The following RITA1 variants were observed in gnomAD, a reference collection of about 807,000 sequenced individuals.
RITA1 encodes the protein RBPJ interacting and tubulin associated 1.
Under a neutral mutation model 8.7 loss-of-function variants are expected in RITA1, and 15 were observed. The observed-to-expected ratio is 1.72, with a 90% CI of 1.15 to 2.65. The LOEUF is 2.65. RITA1 is among the 30% of genes most tolerant of loss of function. The pLI is 0.00. For synonymous variants in RITA1, 145 were observed against 156.2 expected (o/e 0.93, Z 0.53); for missense variants, 330 against 363.8 (o/e 0.91, Z 0.76).
Position 113,191,636 on chromosome 12 carries a change from C to A in RITA1, c.629C>A (p.Thr210Asn). 2 of 1,614,168 alleles carry A rather than the reference C, an allele frequency of 1.2e-6. No individual in the cohort carries two copies. Among genetic ancestry groups the A allele is most frequent in the Non-Finnish European group, 1.7e-6 (2 of 1,180,034 alleles). The part of the protein sequence containing the change: ...HSLTHLNVPS[T>N]GHPATSAPHT... ...CTCACCCACCTGAATGTCCCCAGCA[C>A]TGGTCATCCAGCCACCAGTGCCCCC... The change falls in exon 4 of 4, where the codon ACT (threonine) becomes AAT (asparagine). Residue 210 changes from threonine to asparagine, a missense_variant. Thr to Asn is a moderately conservative substitution (Grantham distance 65, BLOSUM62 0). Transcript: ENST00000548278. The surrounding 1 kb of genome is among the most constrained non-coding windows in gnomAD (Gnocchi z 4.0).
At chr12:113,188,080 G>C (rs1048495785) in intron 3 of RITA1, among the ~76,000 whole-genome samples, 3 of 151,646 alleles carry the variant, frequency 2.0e-5, no homozygotes, top group Non-Finnish European at 2.9e-5. Flanking sequence ...ATGGAGTCTC[G>C]CTCTGTTGCC....
At chr12:113,186,084 G>A in intron 1 of RITA1, 63 bp downstream of exon 1, 1 of 1,535,350 alleles carries the variant, frequency 6.5e-7, no homozygotes, top group South Asian at 1.2e-5. Context: ...ATTGATTTGG[G>A]AGTCGCAGAA....
Position 113,192,318 on chromosome 12 carries a change from A to G in RITA1, c.*501A>G, listed in dbSNP as rs1593019262. 1 of 156,550 alleles carries G rather than the reference A, an allele frequency of 6.4e-6. No individual in the cohort carries two copies. The highest frequency in any genetic ancestry group is 2.4e-5 in the African/African-American group (1 of 41,502). 9.7% of individuals were successfully genotyped at this position (156,550 alleles called of 1,614,324 possible). A position where few individuals can be genotyped will look rare whatever the true frequency, so the allele number is the denominator to read the frequency against. Reference sequence around the variant, plus strand: ...TGAGTGAACACTGTTTCATCTTAATATGCTTCTGAATTTATTTTCATGTAC... The same window carrying G: ...TGAGTGAACACTGTTTCATCTTAATGTGCTTCTGAATTTATTTTCATGTAC... On this transcript the variant is annotated 3_prime_UTR_variant, in exon 4 of 4. Transcript: ENST00000548278.
In RITA1 at chr12:113,186,701, C is replaced by A; in HGVS notation, c.-46C>A. On this transcript the variant is annotated 5_prime_UTR_variant, in exon 3 of 4. Coordinates refer to ENST00000548278, the MANE Select transcript of RITA1 (RefSeq NM_032848.3). ...CTCACAGGGAGCCTCGGAAGCAGGG[C>A]CTGGCCGGCAGAGCACACCTGCTGT... is the stretch of plus-strand genomic sequence containing the variant. 1 of 1,599,236 alleles carries A rather than the reference C, an allele frequency of 6.3e-7. No homozygotes were observed. Among genetic ancestry groups the A allele is most frequent in the East Asian group, 2.3e-5 (1 of 44,442 alleles).
At position 113,191,580 on chromosome 12, in the gene RITA1, A is replaced by G. The variant is rs200939315; in HGVS notation, c.573A>G (p.Ser191=). ...TATCTATGGGTGGGTTACACTCTTC[A>G]CGCCCCCTGAAGCGGGGACTTTCCC... ...QKLSMGGLHS[S]RPLKRGLSHS... Residue 191 remains serine, a synonymous_variant, in exon 4 of 4, where the codon TCA becomes TCG. Transcript: ENST00000548278. This position sits in a 1 kb window ranked among gnomAD's most constrained non-coding sequence, Gnocchi z 4.0. 61 of 1,613,996 alleles carry G rather than the reference A, an allele frequency of 3.8e-5. 1 individual carries two copies. In the East Asian group the frequency reaches 1.3e-3, roughly 34 times the overall value.
intron 1 of RITA1, 30 bp downstream of exon 1, chr12:113,186,051 C>G: frequency 6.5e-7 from 1 of 1,536,042 alleles, no homozygotes; most frequent in Non-Finnish European, 8.7e-7. Context: ...ATGCAGGGAC[C>G]TCGGGCACTT....
chr12:113,192,030 C>A lies in RITA1; in HGVS notation c.*213C>A. The A allele has an allele frequency of 1.6e-6, 1 of 625,636 alleles. No individual in the cohort carries two copies. The highest frequency in any genetic ancestry group is 2.7e-6 in the Non-Finnish European group (1 of 376,504). The allele number at this position is 625,636 out of a possible 1,614,324, so 38.8% of individuals were successfully genotyped here. A position where few individuals can be genotyped will look rare whatever the true frequency, so the allele number is the denominator to read the frequency against. On this transcript the variant is annotated 3_prime_UTR_variant, in exon 4 of 4. Transcript: ENST00000548278. ...TCCCGATTGCGGATTTGGGGGCCAC[C>A]TCTAAGATGCCTCTCTCCAGCCCTG...
chr12:113,191,803 C>T lies in RITA1; in HGVS notation c.796C>T (p.Pro266Ser), dbSNP rs1475779742. 1.0e-5 allele frequency: 16 copies of T among 1,603,128 alleles called. No individual in the cohort carries two copies. The highest frequency in any genetic ancestry group is 1.7e-5 in the Admixed American group (1 of 58,898). Residue 266 changes from proline to serine, a missense_variant, in exon 4 of 4, where the codon CCC (proline) becomes TCC (serine). Coordinates refer to ENST00000548278, the MANE Select transcript of RITA1 (RefSeq NM_032848.3). This position sits in a 1 kb window ranked among gnomAD's most constrained non-coding sequence, Gnocchi z 4.0. Reference sequence around the variant, plus strand: ...AGGTGGGGCCACCCAGAAACCAAAGCCCCCTTGGAAATGATACTCTTTCAT... The same window carrying T: ...AGGTGGGGCCACCCAGAAACCAAAGTCCCCTTGGAAATGATACTCTTTCAT... ...RRGGATQKPK[P>S]PWK
In RITA1 at chr12:113,191,468, C is replaced by T; in HGVS notation, c.461C>T (p.Pro154Leu). ...CCTACCCCCAGGGGTAGCCACTCGC[C>T]CCGCCCCAGGGAGGCACCACTGCGA... ...PPPTPRGSHS[P>L]RPREAPLRAI... is the part of the protein sequence containing the mutation. The change falls in exon 4 of 4, where the codon CCC becomes CTC. Residue 154 changes from proline to leucine, a missense_variant. Transcript: ENST00000548278. This position sits in a 1 kb window ranked among gnomAD's most constrained non-coding sequence, Gnocchi z 4.0. 1 of 1,604,568 alleles carries T rather than the reference C, an allele frequency of 6.2e-7. No homozygotes were observed. Among genetic ancestry groups the T allele is most frequent in the Non-Finnish European group, 8.5e-7 (1 of 1,172,972 alleles).
Position 113,186,330 on chromosome 12 carries a change from C to T in RITA1, c.-65+14C>T. 7.2e-7 allele frequency: 1 copy of T among 1,379,706 alleles called. No individual in the cohort carries two copies. The allele number at this position is 1,379,706 out of a possible 1,614,324, so 85.5% of individuals were successfully genotyped here. ...TCTTTGCAGGAGGTAGGCATGGGATCCACGCTGGCTGTCATTGCCCCCACC... is the reference window on the plus strand; with the variant it reads ...TCTTTGCAGGAGGTAGGCATGGGATTCACGCTGGCTGTCATTGCCCCCACC... On this transcript the variant is annotated intron_variant, in intron 2 of 3. Coordinates refer to ENST00000548278, the MANE Select transcript of RITA1 (RefSeq NM_032848.3).
rs1350143183 is a variant in RITA1 at position 113,191,195 on chromosome 12, G to A, written c.303-115G>A. ...TCAGACTGGGAGACAAGGACTCCTGGGATCTGCAGGCAACCCTCCTCTGCT... is the reference window on the plus strand; with the variant it reads ...TCAGACTGGGAGACAAGGACTCCTGAGATCTGCAGGCAACCCTCCTCTGCT... On this transcript the variant is annotated intron_variant, in intron 3 of 3. Coordinates refer to ENST00000548278, the MANE Select transcript of RITA1 (RefSeq NM_032848.3). This position sits in a 1 kb window ranked among gnomAD's most constrained non-coding sequence, Gnocchi z 4.0. The A allele has an allele frequency of 5.9e-6, 8 of 1,352,648 alleles. No individual in the cohort carries two copies. In the East Asian group the frequency reaches 2.0e-4, roughly 33 times the overall value. 83.8% of individuals were successfully genotyped at this position (1,352,648 alleles called of 1,614,324 possible). A position where few individuals can be genotyped will look rare whatever the true frequency, so the allele number is the denominator to read the frequency against.
chr12:113,185,863 C>T lies in RITA1; in HGVS notation c.-355C>T, dbSNP rs1173179443. 3 of 1,104,102 alleles carry T rather than the reference C, an allele frequency of 2.7e-6. No homozygotes were observed. Among genetic ancestry groups the T allele is most frequent in the South Asian group, 1.6e-5 (1 of 64,498 alleles). The allele number at this position is 1,104,102 out of a possible 1,614,324, so 68.4% of individuals were successfully genotyped here. A position where few individuals can be genotyped will look rare whatever the true frequency, so the allele number is the denominator to read the frequency against. On this transcript the variant is annotated 5_prime_UTR_variant, in exon 1 of 4. Coordinates refer to ENST00000548278, the MANE Select transcript of RITA1 (RefSeq NM_032848.3). ...GGTGCCCCGGGACGGCCTAGGCTGC[C>T]GGGGGTCCGGGGCCCCAGGCATTCC...
rs145184931 is a variant in RITA1, at chr12:113,191,087, C to T, written c.303-223C>T. 2.8e-4 allele frequency among the ~76,000 whole-genome samples: 42 copies of T among 152,276 alleles called. No homozygotes were observed. The highest frequency in any genetic ancestry group is 4.6e-4 in the Non-Finnish European group (31 of 68,012). On this transcript the variant is annotated intron_variant, in intron 3 of 3. Transcript: ENST00000548278. The surrounding 1 kb of genome is among the most constrained non-coding windows in gnomAD (Gnocchi z 4.0). ...CATGTCTGGGAATGGGGTCAGGATG[C>T]AGGGGCAGTGGATGTTTCGCAGGGA... is the stretch of plus-strand genomic sequence containing the variant.
chr12:113,190,912 G>C (rs1952593115), intron 3 of RITA1, among the ~76,000 whole-genome samples: 1 of 152,238 alleles, frequency 6.6e-6, no homozygotes, highest in African/African-American at 2.4e-5. Context: ...AAGAAGTAAA[G>C]TCAGGTGGCA....
At position 113,191,226 on chromosome 12, in the gene RITA1, C is replaced by T; in HGVS notation, c.303-84C>T. On this transcript the variant is annotated intron_variant, in intron 3 of 3. Transcript: ENST00000548278. The surrounding 1 kb of genome is among the most constrained non-coding windows in gnomAD (Gnocchi z 4.0). ...GCAGGCAACCCTCCTCTGCTGCTGCCATCCCAGGGTGGGTGGGAGAGCTGT... is the reference window on the plus strand; with the variant it reads ...GCAGGCAACCCTCCTCTGCTGCTGCTATCCCAGGGTGGGTGGGAGAGCTGT... 6.8e-7 allele frequency: 1 copy of T among 1,462,446 alleles called. No individual in the cohort carries two copies. The highest frequency in any genetic ancestry group is 9.0e-7 in the Non-Finnish European group (1 of 1,108,590). 90.6% of individuals were successfully genotyped at this position (1,462,446 alleles called of 1,614,324 possible).
rs542721868 is a variant in RITA1, at chr12:113,191,003, C to T, written c.303-307C>T. Among the ~76,000 whole-genome samples the T allele has an allele frequency of 3.9e-5, 6 of 152,326 alleles. No individual in the cohort carries two copies. In the South Asian group the frequency reaches 1.2e-3, roughly 32 times the overall value. ...GACAGGCTTGGGTCATCTGGCCATT[C>T]GTGAACCAATCCATGTGGCCAGGAG... On this transcript the variant is annotated intron_variant, in intron 3 of 3. Transcript: ENST00000548278. The surrounding 1 kb of genome is among the most constrained non-coding windows in gnomAD (Gnocchi z 4.0).
Position 113,186,318 on chromosome 12 carries a change from T to G in RITA1, c.-65+2T>G. On this transcript the variant is annotated splice_donor_variant, in intron 2 of 3. Coordinates refer to ENST00000548278, the MANE Select transcript of RITA1 (RefSeq NM_032848.3). LOFTEE classifies it low-confidence loss of function (5UTR_SPLICE). ...TGCTTGTAAAGCTCTTTGCAGGAGG[T>G]AGGCATGGGATCCACGCTGGCTGTC... 7.2e-7 allele frequency: 1 copy of G among 1,380,888 alleles called. No individual in the cohort carries two copies. The highest frequency in any genetic ancestry group is 9.4e-7 in the Non-Finnish European group (1 of 1,068,338). The allele number at this position is 1,380,888 out of a possible 1,614,324, so 85.5% of individuals were successfully genotyped here.
At chr12:113,187,701 G>A (rs1030642867) in intron 3 of RITA1, among the ~76,000 whole-genome samples, 2 of 141,466 alleles carry the variant, frequency 1.4e-5, no homozygotes, top group Non-Finnish European at 3.0e-5. Context: ...AGATTGCAAT[G>A]AGCTGAGATC....
Position 113,186,642 on chromosome 12 carries a change from C to T in RITA1, c.-64-41C>T, listed in dbSNP as rs1245095171. ...CACTACCGGTCTTCCTCCATTAGCA[C>T]TTCTGTGGCTCAGGGGTGCTACTCT... On this transcript the variant is annotated intron_variant, in intron 2 of 3. Coordinates refer to ENST00000548278, the MANE Select transcript of RITA1 (RefSeq NM_032848.3). 3.3e-6 allele frequency: 5 copies of T among 1,509,294 alleles called. No individual in the cohort carries two copies. In the Admixed American group the frequency reaches 8.3e-5, roughly 25 times the overall value. 93.5% of individuals were successfully genotyped at this position (1,509,294 alleles called of 1,614,324 possible).
Sources: allele counts gnomAD v4.1 joint callset (sites outside exome capture counted in the v4.1 genomes callset), GRCh38; gene constraint gnomAD v4.1.1; non-coding constraint Gnocchi (gnomAD v3.1); transcripts MANE v1.5; gene names NCBI Gene and HGNC (gene_info 2026-07-23, HGNC 2026-07-21).